Variants in MYMX observed in about 807,000 individuals in gnomAD.
MYMX encodes myomixer, myoblast fusion factor.
chr6:44,200,170 TA>T, the MYMX span, among the ~76,000 whole-genome samples: 7,334 of 146,202 alleles, frequency 0.05, 548 homozygotes, highest in African/African-American at 0.17. Context: ...GCCTACCTCT[TA>T]AAAAAAAAAA....
chr6:44,197,579 A>G, the MYMX span, among the ~76,000 whole-genome samples: 7 of 152,292 alleles, frequency 4.6e-5, no homozygotes, highest in Admixed American at 1.3e-4. Flanking sequence ...CCAGTACCCT[A>G]TGACTTGCCA....
the MYMX span, among the ~76,000 whole-genome samples, chr6:44,206,212 CTCTT>C: frequency 2.6e-5 from 4 of 151,668 alleles, no homozygotes; most frequent in South Asian, 8.3e-4. Context: ...TTTGTTTCTT[CTCTT>C]TATTTACTTA....
the MYMX span, among the ~76,000 whole-genome samples, chr6:44,204,775 T>C: frequency 1.3e-5 from 2 of 152,160 alleles, no homozygotes; most frequent in Non-Finnish European, 2.9e-5. Flanking sequence ...TACATAAGCC[T>C]TAATTTTTGG....
chr6:44,194,983 CTTAT>C, the MYMX span, among the ~76,000 whole-genome samples: 4 of 151,552 alleles, frequency 2.6e-5, no homozygotes, highest in African/African-American at 9.7e-5. Flanking sequence ...AACAGTTTGT[CTTAT>C]TTCTTTCCAT....
chr6:44,217,669 G>A lies in MYMX; in HGVS notation c.198G>A (p.Gly66=). The A allele has an allele frequency of 2.5e-6, 1 of 401,022 alleles. No individual in the cohort carries two copies. Among genetic ancestry groups the A allele is most frequent in the Admixed American group, 4.4e-5 (1 of 22,744 alleles). 24.8% of individuals were successfully genotyped at this position (401,022 alleles called of 1,614,324 possible). A position where few individuals can be genotyped will look rare whatever the true frequency, so the allele number is the denominator to read the frequency against. The change falls in exon 2 of 2, where the codon GGG becomes GGA. Residue 66 remains glycine, a synonymous_variant. Transcript: ENST00000573382. ...ILSQRHSPDA[G]EASRVDRLER... ...GCCAGCGACACTCGCCAGACGCTGG[G>A]GAGGCCTCAAGAGTGGACCGCCTGG...
upstream of MYMX, among the ~76,000 whole-genome samples, chr6:44,214,730 C>A (rs1206571309): frequency 6.6e-6 from 1 of 152,046 alleles, no homozygotes; most frequent in Admixed American, 6.6e-5. Flanking sequence ...ATGCCAGCAC[C>A]CCTGGTTAAT....
chr6:44,198,327 G>A, the MYMX span, among the ~76,000 whole-genome samples: 952 of 150,288 alleles, frequency 6.3e-3, 14 homozygotes, highest in African/African-American at 0.022. Context: ...TACCACGCCC[G>A]GCTAATTTTT....
At chr6:44,199,812 T>G in the MYMX span, among the ~76,000 whole-genome samples, 5 of 152,016 alleles carry the variant, frequency 3.3e-5, no homozygotes, top group African/African-American at 4.8e-5. Context: ...GCCTCCCAAG[T>G]AGCTGAGACT....
At chr6:44,204,527 G>A in the MYMX span, among the ~76,000 whole-genome samples, 1 of 152,162 alleles carries the variant, frequency 6.6e-6, no homozygotes, top group Non-Finnish European at 1.5e-5. Flanking sequence ...CTGTAGACAT[G>A]GGAGTTGCTC....
At chr6:44,213,168 G>A (rs532464042), upstream of MYMX, among the ~76,000 whole-genome samples, 3 of 151,956 alleles carry the variant, frequency 2.0e-5, no homozygotes, top group African/African-American at 7.2e-5. Flanking sequence ...GGTGGATCAC[G>A]AGGTCAAGAG....
chr6:44,204,295 A>C, the MYMX span, among the ~76,000 whole-genome samples: 3 of 152,202 alleles, frequency 2.0e-5, no homozygotes, highest in Admixed American at 1.3e-4. Context: ...AGGACTGTAC[A>C]TTTAAATAGG....
the MYMX span, among the ~76,000 whole-genome samples, chr6:44,207,332 G>T: frequency 4.6e-5 from 7 of 151,882 alleles, no homozygotes; most frequent in African/African-American, 1.7e-4. Context: ...GTAGAGATGG[G>T]GTTTCACCGT....
chr6:44,213,915 A>G (rs769384939), upstream of MYMX, among the ~76,000 whole-genome samples: 2 of 152,212 alleles, frequency 1.3e-5, no homozygotes, highest in African/African-American at 2.4e-5. Flanking sequence ...GGCTCAAGCA[A>G]TCTTCCCACC....
chr6:44,204,209 C>T, the MYMX span, among the ~76,000 whole-genome samples: 2 of 152,138 alleles, frequency 1.3e-5, no homozygotes, highest in African/African-American at 2.4e-5. Flanking sequence ...AAATATATAG[C>T]ATGTCTGACA....
At chr6:44,202,088 A>T in the MYMX span, among the ~76,000 whole-genome samples, 1 of 151,766 alleles carries the variant, frequency 6.6e-6, no homozygotes, top group African/African-American at 2.4e-5. Flanking sequence ...TGGGAAGAGC[A>T]GGACTCTCGG....
At chr6:44,211,810 G>GTGTGTGTGTGTGTGTGTGTGTGTGTC in the MYMX span, among the ~76,000 whole-genome samples, 1 of 151,020 alleles carries the variant, frequency 6.6e-6, no homozygotes, top group African/African-American at 2.4e-5. Flanking sequence ...GTGTGTGTGT[G>GTGTGTGTGTGTGTGTGTGTGTGTGTC]TGTGTGTGTG....
chr6:44,198,541 CT>C, the MYMX span, among the ~76,000 whole-genome samples: 1 of 152,012 alleles, frequency 6.6e-6, no homozygotes, highest in Non-Finnish European at 1.5e-5. Context: ...CAGTCTTGCT[CT>C]GTTGCCCAGG....
chr6:44,215,917 A>G (rs1720014494), upstream of MYMX, among the ~76,000 whole-genome samples: 1 of 152,226 alleles, frequency 6.6e-6, no homozygotes, highest in African/African-American at 2.4e-5. Flanking sequence ...TAATAAATAA[A>G]TAAAAATTAA....
At chr6:44,215,630 C>T, upstream of MYMX, among the ~76,000 whole-genome samples, 1 of 151,650 alleles carries the variant, frequency 6.6e-6, no homozygotes, top group Non-Finnish European at 1.5e-5. Context: ...CGTTGTGGCT[C>T]ACGCCTGTAA....
Sources: allele counts gnomAD v4.1 joint callset (sites outside exome capture counted in the v4.1 genomes callset), GRCh38; gene constraint gnomAD v4.1.1; transcripts MANE v1.5; gene names NCBI Gene and HGNC (gene_info 2026-07-23, HGNC 2026-07-21).